Variants in MCEMP1 observed in about 807,000 individuals in gnomAD.
MCEMP1 encodes the protein mast cell expressed membrane protein 1.
In MCEMP1, 17 loss-of-function variants were observed where a neutral mutation model predicts 27.9. The observed-to-expected ratio is 0.61, with a 90% confidence interval of 0.42 to 0.91. MCEMP1 has a LOEUF of 0.91. MCEMP1 is among the 40% of genes least tolerant of loss of function. The probability of loss-of-function intolerance (pLI) is 0.00; values close to 1 mark genes in which losing one functional copy is unlikely to be tolerated. For missense variants in MCEMP1, 200 were observed against 204.8 expected (o/e 0.98, Z 0.14); for synonymous variants, 88 against 76.9 (o/e 1.14, Z -0.76).
chr19:7,678,780 TG>T lies in MCEMP1; in HGVS notation c.449-141del. On this transcript the variant is annotated intron_variant, in intron 5 of 6. Coordinates refer to ENST00000333598, the MANE Select transcript of MCEMP1 (RefSeq NM_174918.3). The surrounding 1 kb of genome is among the most constrained non-coding windows in gnomAD (Gnocchi z 4.8). The stretch of plus-strand genomic sequence containing the variant: ...TGCTCTGTGGGTATTGAAAGGCTCC[TG>T]GGAACCCCAAATCCATGGGCTCTGC... 1 of 1,100,812 alleles carries T rather than the reference TG, an allele frequency of 9.1e-7. No individual in the cohort carries two copies. Among genetic ancestry groups the T allele is most frequent in the East Asian group, 2.6e-5 (1 of 38,720 alleles). The allele number at this position is 1,100,812 out of a possible 1,614,324, so 68.2% of individuals were successfully genotyped here. A position where few individuals can be genotyped will look rare whatever the true frequency, so the allele number is the denominator to read the frequency against.
chr19:7,679,051 T>C lies in MCEMP1; in HGVS notation c.509-47T>C. 1 of 1,607,130 alleles carries C rather than the reference T, an allele frequency of 6.2e-7. No individual in the cohort carries two copies. The highest frequency in any genetic ancestry group is 8.5e-7 in the Non-Finnish European group (1 of 1,176,354). On this transcript the variant is annotated intron_variant, in intron 6 of 6. Coordinates refer to ENST00000333598, the MANE Select transcript of MCEMP1 (RefSeq NM_174918.3). The surrounding 1 kb of genome is among the most constrained non-coding windows in gnomAD (Gnocchi z 4.9). Reference sequence around the variant, plus strand: ...GCTTCAGATTTAGCCCCAGCTCCTCTCCCAGGGGCGGGATCTGCCTCACTG... The same window carrying C: ...GCTTCAGATTTAGCCCCAGCTCCTCCCCCAGGGGCGGGATCTGCCTCACTG...
rs1313327051 is a variant in MCEMP1 at position 7,677,850 on chromosome 19, G to T, written c.145+124G>T. 3 of 1,089,132 alleles carry T rather than the reference G, an allele frequency of 2.8e-6. No individual in the cohort carries two copies. The highest frequency in any genetic ancestry group is 4.0e-6 in the Non-Finnish European group (3 of 751,918). The allele number at this position is 1,089,132 out of a possible 1,614,324, so 67.5% of individuals were successfully genotyped here. ...GATGGGGAAGGAAGAGGTGACAGCT[G>T]TTGACGTGCTAATGAGGTCTGTTGA... On this transcript the variant is annotated intron_variant, in intron 2 of 6. Coordinates refer to ENST00000333598, the MANE Select transcript of MCEMP1 (RefSeq NM_174918.3). This position sits in a 1 kb window ranked among gnomAD's most constrained non-coding sequence, Gnocchi z 4.6.
chr19:7,678,904 C>CA lies in MCEMP1; in HGVS notation c.449-18dup. 36 of 1,271,122 alleles carry CA rather than the reference C, an allele frequency of 2.8e-5. No individual in the cohort carries two copies. The highest frequency in any genetic ancestry group is 3.9e-5 in the Non-Finnish European group (35 of 891,578). The allele number at this position is 1,271,122 out of a possible 1,614,324, so 78.7% of individuals were successfully genotyped here. A position where few individuals can be genotyped will look rare whatever the true frequency, so the allele number is the denominator to read the frequency against. On this transcript the variant is annotated intron_variant, in intron 5 of 6. Coordinates refer to ENST00000333598, the MANE Select transcript of MCEMP1 (RefSeq NM_174918.3). The surrounding 1 kb of genome is among the most constrained non-coding windows in gnomAD (Gnocchi z 4.8). ...GCAGCTTGACTTATCTGTTCCCACCCAACCCTCCCCGCCCCCTAGGCATAA... is the reference window on the plus strand; with the variant it reads ...GCAGCTTGACTTATCTGTTCCCACCCAAACCCTCCCCGCCCCCTAGGCATAA...
At position 7,679,747 on chromosome 19, in the gene MCEMP1, G is replaced by A. The variant is rs1370122620; in HGVS notation, c.*633G>A. The A allele has an allele frequency of 6.6e-6, 1 of 152,252 alleles. No individual in the cohort carries two copies. The highest frequency in any genetic ancestry group is 1.5e-5 in the Non-Finnish European group (1 of 68,080). 9.4% of individuals were successfully genotyped at this position (152,252 alleles called of 1,614,324 possible). On this transcript the variant is annotated 3_prime_UTR_variant, in exon 7 of 7. Coordinates refer to ENST00000333598, the MANE Select transcript of MCEMP1 (RefSeq NM_174918.3). The surrounding 1 kb of genome is among the most constrained non-coding windows in gnomAD (Gnocchi z 4.9). ...TGTGCCGAGTTATGCCACCCTGTGTGCTCAGGGCACATGCACACAGACATT... is the reference window on the plus strand; with the variant it reads ...TGTGCCGAGTTATGCCACCCTGTGTACTCAGGGCACATGCACACAGACATT...
chr19:7,677,922 C>T lies in MCEMP1; in HGVS notation c.146-182C>T, dbSNP rs113037539. Reference sequence around the variant, plus strand: ...CTGGAGAGGGGGTCTGTGATGGTGACGGTGTTAGATCGCTGAGGGTGGCTG... The same window carrying T: ...CTGGAGAGGGGGTCTGTGATGGTGATGGTGTTAGATCGCTGAGGGTGGCTG... On this transcript the variant is annotated intron_variant, in intron 2 of 6. Coordinates refer to ENST00000333598, the MANE Select transcript of MCEMP1 (RefSeq NM_174918.3). The surrounding 1 kb of genome is among the most constrained non-coding windows in gnomAD (Gnocchi z 4.6). 1,044 of 1,079,154 alleles carry T rather than the reference C, an allele frequency of 9.7e-4. 4 individuals are homozygous for T. Among genetic ancestry groups the T allele is most frequent in the African/African-American group, 8.9e-3 (564 of 63,266 alleles). The allele number at this position is 1,079,154 out of a possible 1,614,324, so 66.8% of individuals were successfully genotyped here. A position where few individuals can be genotyped will look rare whatever the true frequency, so the allele number is the denominator to read the frequency against.
rs902430848 is a variant in MCEMP1, at chr19:7,678,133, T to C, written c.175T>C (p.Ser59Pro). 6.2e-7 allele frequency: 1 copy of C among 1,612,044 alleles called. No individual in the cohort carries two copies. The highest frequency in any genetic ancestry group is 1.3e-5 in the African/African-American group (1 of 74,958). Residue 59 changes from serine to proline, a missense_variant, in exon 3 of 7, where the codon TCC becomes CCC. By Grantham distance (74) the Ser-to-Pro change is moderately conservative. Transcript: ENST00000333598. This position sits in a 1 kb window ranked among gnomAD's most constrained non-coding sequence, Gnocchi z 4.8. ...VPAQCRPPSD[S>P]TQVPCWLYRA... Reference sequence around the variant, plus strand: ...AGCCCAGTGCAGGCCGCCCTCAGACTCCACCCAGGTCCCCTGCTGGTTGTA... The same window carrying C: ...AGCCCAGTGCAGGCCGCCCTCAGACCCCACCCAGGTCCCCTGCTGGTTGTA...
In MCEMP1 at chr19:7,678,594, G is replaced by T; in HGVS notation, c.438G>T (p.Thr146=). Residue 146 remains threonine, a synonymous_variant, in exon 5 of 7, where the codon ACG becomes ACT. Coordinates refer to ENST00000333598, the MANE Select transcript of MCEMP1 (RefSeq NM_174918.3). This position sits in a 1 kb window ranked among gnomAD's most constrained non-coding sequence, Gnocchi z 4.8. ...MVRSKIDRLE[T]TLAGIKNIDT... ...GGAGCAAGATTGATAGATTAGAGAC[G>T]ACATTAGCAGGTGCCTGTGTAGTCT... 1 of 1,613,180 alleles carries T rather than the reference G, an allele frequency of 6.2e-7. No homozygotes were observed. The highest frequency in any genetic ancestry group is 8.5e-7 in the Non-Finnish European group (1 of 1,179,210).
Position 7,679,339 on chromosome 19 carries a change from C to A in MCEMP1, c.*225C>A. ...GTGTGCGCGTGTGTTCGTGTATGTGCGTGTGTGCGTGCGCGTGTGTGTGCA... is the reference window on the plus strand; with the variant it reads ...GTGTGCGCGTGTGTTCGTGTATGTGAGTGTGTGCGTGCGCGTGTGTGTGCA... On this transcript the variant is annotated 3_prime_UTR_variant, in exon 7 of 7. Coordinates refer to ENST00000333598, the MANE Select transcript of MCEMP1 (RefSeq NM_174918.3). This position sits in a 1 kb window ranked among gnomAD's most constrained non-coding sequence, Gnocchi z 4.9. 2 of 569,556 alleles carry A rather than the reference C, an allele frequency of 3.5e-6. No homozygotes were observed. Among genetic ancestry groups the A allele is most frequent in the South Asian group, 2.4e-5 (1 of 41,450 alleles). 35.3% of individuals were successfully genotyped at this position (569,556 alleles called of 1,614,324 possible). A position where few individuals can be genotyped will look rare whatever the true frequency, so the allele number is the denominator to read the frequency against.
Position 7,677,490 on chromosome 19 carries a change from T to C in MCEMP1, c.56-147T>C, listed in dbSNP as rs765063793. 1.4e-4 allele frequency: 106 copies of C among 776,982 alleles called. No homozygotes were observed. The highest frequency in any genetic ancestry group is 2.1e-4 in the Non-Finnish European group (96 of 453,322). 48.1% of individuals were successfully genotyped at this position (776,982 alleles called of 1,614,324 possible). A position where few individuals can be genotyped will look rare whatever the true frequency, so the allele number is the denominator to read the frequency against. On this transcript the variant is annotated intron_variant, in intron 1 of 6. Transcript: ENST00000333598. This position sits in a 1 kb window ranked among gnomAD's most constrained non-coding sequence, Gnocchi z 4.6. The stretch of plus-strand genomic sequence containing the variant: ...ATCACTCAAACTCTCACACACCCGC[T>C]CCACTTAACCAAAAAGCAGATTTTA...
rs1160200895 is a variant in MCEMP1, at chr19:7,678,684, G to T, written c.448+80G>T. ...TGAGCTGGGGGCAGGGGATTCAGGG[G>T]AGGAGAAAGCCGGGGTCCTACCCTC... On this transcript the variant is annotated intron_variant, in intron 5 of 6. Coordinates refer to ENST00000333598, the MANE Select transcript of MCEMP1 (RefSeq NM_174918.3). The surrounding 1 kb of genome is among the most constrained non-coding windows in gnomAD (Gnocchi z 4.8). 7.1e-7 allele frequency: 1 copy of T among 1,405,852 alleles called. No homozygotes were observed. The highest frequency in any genetic ancestry group is 9.9e-7 in the Non-Finnish European group (1 of 1,005,390). The allele number at this position is 1,405,852 out of a possible 1,614,324, so 87.1% of individuals were successfully genotyped here. A position where few individuals can be genotyped will look rare whatever the true frequency, so the allele number is the denominator to read the frequency against.
Position 7,679,151 on chromosome 19 carries a change from G to C in MCEMP1, c.*37G>C. ...TTGTGGCAGCCAAAGCCACAACTTG[G>C]AAGATGGGGCTGCACCTGCCAACGA... On this transcript the variant is annotated 3_prime_UTR_variant, in exon 7 of 7. Coordinates refer to ENST00000333598, the MANE Select transcript of MCEMP1 (RefSeq NM_174918.3). The surrounding 1 kb of genome is among the most constrained non-coding windows in gnomAD (Gnocchi z 4.9). 6.4e-7 allele frequency: 1 copy of C among 1,567,400 alleles called. No individual in the cohort carries two copies. The highest frequency in any genetic ancestry group is 8.7e-7 in the Non-Finnish European group (1 of 1,154,158).
chr19:7,677,946 T>G lies in MCEMP1; in HGVS notation c.146-158T>G. The stretch of plus-strand genomic sequence containing the variant: ...ACGGTGTTAGATCGCTGAGGGTGGC[T>G]GGTGGTGGCAGTGTTGTTGACGATG... On this transcript the variant is annotated intron_variant, in intron 2 of 6. Transcript: ENST00000333598. This position sits in a 1 kb window ranked among gnomAD's most constrained non-coding sequence, Gnocchi z 4.6. 1 of 1,206,028 alleles carries G rather than the reference T, an allele frequency of 8.3e-7. No individual in the cohort carries two copies. Among genetic ancestry groups the G allele is most frequent in the African/African-American group, 1.5e-5 (1 of 65,630 alleles). 74.7% of individuals were successfully genotyped at this position (1,206,028 alleles called of 1,614,324 possible).
chr19:7,677,640 C>G lies in MCEMP1; in HGVS notation c.59C>G (p.Ala20Gly). The G allele has an allele frequency of 6.2e-7, 1 of 1,613,442 alleles. No homozygotes were observed. Among genetic ancestry groups the G allele is most frequent in the East Asian group, 2.2e-5 (1 of 44,896 alleles). Residue 20 changes from alanine (A) to glycine (G), a missense_variant, in exon 2 of 7, where the codon GCC becomes GGC. Ala to Gly is a moderately conservative substitution (Grantham distance 60). Coordinates refer to ENST00000333598, the MANE Select transcript of MCEMP1 (RefSeq NM_174918.3). The surrounding 1 kb of genome is among the most constrained non-coding windows in gnomAD (Gnocchi z 4.6). ...KQGVSAKNQGAHDPDYENITL... is the reference protein window; with the variant it reads ...KQGVSAKNQGGHDPDYENITL... Reference sequence around the variant, plus strand: ...GCAGATCTCCAACCCCTCCCAGGTGCCCATGACCCAGACTATGAGAATATC... The same window carrying G: ...GCAGATCTCCAACCCCTCCCAGGTGGCCATGACCCAGACTATGAGAATATC...
chr19:7,677,763 T>C lies in MCEMP1; in HGVS notation c.145+37T>C. 1 of 1,531,364 alleles carries C rather than the reference T, an allele frequency of 6.5e-7. No homozygotes were observed. The highest frequency in any genetic ancestry group is 8.8e-7 in the Non-Finnish European group (1 of 1,131,846). The allele number at this position is 1,531,364 out of a possible 1,614,324, so 94.9% of individuals were successfully genotyped here. A position where few individuals can be genotyped will look rare whatever the true frequency, so the allele number is the denominator to read the frequency against. ...CCCACCTGCTCACATCCCATCACCT[T>C]GGGAAGGGGCAGGTGGGCGGGCAAC... On this transcript the variant is annotated intron_variant, in intron 2 of 6. Transcript: ENST00000333598. The surrounding 1 kb of genome is among the most constrained non-coding windows in gnomAD (Gnocchi z 4.6).
chr19:7,677,687 G>A lies in MCEMP1; in HGVS notation c.106G>A (p.Asp36Asn). Residue 36 changes from aspartate (D) to asparagine (N), a missense_variant, in exon 2 of 7, where the codon GAC becomes AAC. Coordinates refer to ENST00000333598, the MANE Select transcript of MCEMP1 (RefSeq NM_174918.3). The surrounding 1 kb of genome is among the most constrained non-coding windows in gnomAD (Gnocchi z 4.6). ...ENITLAFKNQ[D>N]HAKGGHSRPT... ...TATCACCTTGGCCTTCAAAAATCAG[G>A]ACCATGCAAAGGGTGGTCATTCACG... 2 of 1,613,418 alleles carry A rather than the reference G, an allele frequency of 1.2e-6. No homozygotes were observed. Among genetic ancestry groups the A allele is most frequent in the South Asian group, 2.2e-5 (2 of 91,012 alleles).
rs1188414555 is a variant in MCEMP1 at position 7,677,354 on chromosome 19, T to G, written c.55+179T>G. Among the ~76,000 whole-genome samples the G allele has an allele frequency of 6.9e-6, 1 of 144,538 alleles. No homozygotes were observed. The highest frequency in any genetic ancestry group is 6.9e-5 in the Admixed American group (1 of 14,422). 94.8% of individuals were successfully genotyped at this position (144,538 alleles called of 152,430 possible). A position where few individuals can be genotyped will look rare whatever the true frequency, so the allele number is the denominator to read the frequency against. On this transcript the variant is annotated intron_variant, in intron 1 of 6. Transcript: ENST00000333598. This position sits in a 1 kb window ranked among gnomAD's most constrained non-coding sequence, Gnocchi z 4.6. ...AGACTCTGTCTGTAAAAAATAAAAATAAAAAAAGAAGGAGAGTTCAGATGG... is the reference window on the plus strand; with the variant it reads ...AGACTCTGTCTGTAAAAAATAAAAAGAAAAAAAGAAGGAGAGTTCAGATGG...
chr19:7,678,897 T>TACCCCCCC lies in MCEMP1; in HGVS notation c.449-27_449-26insACCCCCCC. 1.0e-6 allele frequency: 1 copy of TACCCCCCC among 993,956 alleles called. No individual in the cohort carries two copies. 61.6% of individuals were successfully genotyped at this position (993,956 alleles called of 1,614,324 possible). On this transcript the variant is annotated intron_variant, in intron 5 of 6. Coordinates refer to ENST00000333598, the MANE Select transcript of MCEMP1 (RefSeq NM_174918.3). The surrounding 1 kb of genome is among the most constrained non-coding windows in gnomAD (Gnocchi z 4.8). ...CTCCACCGCAGCTTGACTTATCTGT[T>TACCCCCCC]CCCACCCAACCCTCCCCGCCCCCTA...
Position 7,677,124 on chromosome 19 carries a change from C to A in MCEMP1, c.4C>A (p.Gln2Lys), listed in dbSNP as rs1336195225. 1 of 1,600,552 alleles carries A rather than the reference C, an allele frequency of 6.2e-7. No individual in the cohort carries two copies. Among genetic ancestry groups the A allele is most frequent in the Middle Eastern group, 1.7e-4 (1 of 6,048 alleles). ...CTACAAGCACCAGGAAGTCAAGATG[C>A]AAGCACCAGCCTTCAGGGACAAGAA... M[Q>K]APAFRDKKQG... The change falls in exon 1 of 7, where the codon CAA becomes AAA. Residue 2 changes from glutamine (Q) to lysine (K), a missense_variant. Transcript: ENST00000333598. This position sits in a 1 kb window ranked among gnomAD's most constrained non-coding sequence, Gnocchi z 4.6.
At position 7,677,099 on chromosome 19, in the gene MCEMP1, C is replaced by T; in HGVS notation, c.-22C>T. On this transcript the variant is annotated 5_prime_UTR_variant, in exon 1 of 7. Coordinates refer to ENST00000333598, the MANE Select transcript of MCEMP1 (RefSeq NM_174918.3). This position sits in a 1 kb window ranked among gnomAD's most constrained non-coding sequence, Gnocchi z 4.6. ...TGGGGACCATGGAAGTGGAGGAAAT[C>T]TACAAGCACCAGGAAGTCAAGATGC... 6.3e-7 allele frequency: 1 copy of T among 1,598,446 alleles called. No individual in the cohort carries two copies. Among genetic ancestry groups the T allele is most frequent in the Non-Finnish European group, 8.5e-7 (1 of 1,172,086 alleles).
Sources: gnomAD v4.1 joint callset for allele counts (sites outside exome capture counted in the v4.1 genomes callset) on GRCh38, gnomAD v4.1.1 for gene constraint, Gnocchi (gnomAD v3.1) non-coding constraint, MANE v1.5 for transcripts, NCBI Gene and HGNC (gene_info 2026-07-23, HGNC 2026-07-21) for gene names.